The following LDB2 variants were observed in gnomAD, a reference collection of about 807,000 sequenced individuals.
The protein encoded by LDB2 is LIM domain-binding protein 2.
In LDB2, 12 loss-of-function variants were observed where a neutral mutation model predicts 44.3. The observed-to-expected ratio is 0.27, with a 90% CI of 0.17 to 0.44. The LOEUF (loss-of-function observed/expected upper bound fraction) is 0.44, where lower values mean the gene tolerates loss of function less well. Ranked by LOEUF, LDB2 falls within the 20% of genes least tolerant of loss-of-function variation. LDB2 has a pLI of 1.00. For missense variants in LDB2, 344 were observed against 473.5 expected (o/e 0.73, Z 2.54); for synonymous variants, 164 against 174.8 (o/e 0.94, Z 0.49).
At chr4:16,632,276 A>T (rs957661653) in intron 2 of LDB2, among the ~76,000 whole-genome samples, 1 of 152,244 alleles carries the variant, frequency 6.6e-6, no homozygotes, top group Non-Finnish European at 1.5e-5. Flanking sequence ...AGGCTGGTTC[A>T]ACATATGCAA....
At chr4:16,554,568 C>A (rs952858591) in intron 5 of LDB2, among the ~76,000 whole-genome samples, 2 of 152,106 alleles carry the variant, frequency 1.3e-5, no homozygotes, top group Non-Finnish European at 2.9e-5. Flanking sequence ...CTGATGCATT[C>A]AAAAAATAGA....
chr4:16,544,947 G>T (rs1187927223), intron 5 of LDB2, among the ~76,000 whole-genome samples: 1 of 152,134 alleles, frequency 6.6e-6, no homozygotes, highest in African/African-American at 2.4e-5. Context: ...GAGATAAGAA[G>T]AAATGTGTGC....
At chr4:16,571,983 C>T (rs992230608) in intron 5 of LDB2, among the ~76,000 whole-genome samples, 1 of 152,126 alleles carries the variant, frequency 6.6e-6, no homozygotes, top group Non-Finnish European at 1.5e-5. Context: ...ATAGAATCTA[C>T]AGTAATAGTT....
intron 2 of LDB2, among the ~76,000 whole-genome samples, chr4:16,608,477 T>G (rs1040018074): frequency 1.3e-5 from 2 of 152,180 alleles, no homozygotes; most frequent in Non-Finnish European, 2.9e-5. Flanking sequence ...AAACATTGCC[T>G]GGGCACCAGC....
chr4:16,569,323 G>A (rs898148389), intron 5 of LDB2, among the ~76,000 whole-genome samples: 2 of 152,162 alleles, frequency 1.3e-5, no homozygotes, highest in African/African-American at 4.8e-5. Context: ...AACGGAAAAG[G>A]GGTTGCTCCA....
At chr4:16,606,692 A>G (rs1461299846) in intron 2 of LDB2, among the ~76,000 whole-genome samples, 7 of 152,354 alleles carry the variant, frequency 4.6e-5, no homozygotes, top group Middle Eastern at 3.4e-3. Flanking sequence ...CTCAAAATCC[A>G]TTCACTTGGC....
chr4:16,745,066 T>C (rs1400011596), intron 2 of LDB2, among the ~76,000 whole-genome samples: 1 of 152,184 alleles, frequency 6.6e-6, no homozygotes, highest in Non-Finnish European at 1.5e-5. Flanking sequence ...TCCGAGGTCA[T>C]ATGGTAACTG....
At chr4:16,712,410 G>T (rs1756100100) in intron 2 of LDB2, among the ~76,000 whole-genome samples, 1 of 152,014 alleles carries the variant, frequency 6.6e-6, no homozygotes, top group African/African-American at 2.4e-5. Flanking sequence ...AAATTAGCTG[G>T]GCATGGTGGC....
At chr4:16,661,323 G>A (rs1405801802) in intron 2 of LDB2, among the ~76,000 whole-genome samples, 2 of 152,152 alleles carry the variant, frequency 1.3e-5, no homozygotes, top group African/African-American at 4.8e-5. Flanking sequence ...TTGGCCCATG[G>A]CTTTCAACTT....
intron 5 of LDB2, among the ~76,000 whole-genome samples, chr4:16,559,632 C>T (rs1741270348): frequency 6.6e-6 from 1 of 152,112 alleles, no homozygotes. Context: ...CTTTAACACC[C>T]CACTGTCAAC....
rs527312716 is a variant in LDB2 at position 16,799,219 on chromosome 4, C to T, written c.133-39959G>A. ...GAAAAAAAAGAACATGCAAAGCTCT[C>T]CAACATGAATGATGCAATCCTGTAA... On this transcript the variant is annotated intron_variant, in intron 1 of 7. Coordinates refer to ENST00000304523, the MANE Select transcript of LDB2 (RefSeq NM_001290.5). 1.2e-4 allele frequency among the ~76,000 whole-genome samples: 19 copies of T among 152,306 alleles called. No individual in the cohort carries two copies. In the East Asian group the frequency reaches 3.7e-3, roughly 30 times the overall value.
intron 2 of LDB2, among the ~76,000 whole-genome samples, chr4:16,655,896 C>CTTTTTTTTTTTT (rs747097456): frequency 0.01 from 949 of 93,302 alleles, 170 homozygotes; most frequent in African/African-American, 0.036. Flanking sequence ...TGCAAGAAAA[C>CTTTTTTTTTTTT]TTTTTTTTTT....
At chr4:16,576,033 A>T (rs1748153683) in intron 5 of LDB2, among the ~76,000 whole-genome samples, 1 of 152,210 alleles carries the variant, frequency 6.6e-6, no homozygotes, top group Non-Finnish European at 1.5e-5. Context: ...AGCCAGAAAC[A>T]TCTTTTAAAA....
chr4:16,690,298 TA>T (rs1020780448), intron 2 of LDB2, among the ~76,000 whole-genome samples: 2 of 151,270 alleles, frequency 1.3e-5, no homozygotes, highest in African/African-American at 4.9e-5. Context: ...CCATCTCTAC[TA>T]AAAATACAAA....
chr4:16,548,473 C>T (rs1458943769), intron 5 of LDB2, among the ~76,000 whole-genome samples: 1 of 152,186 alleles, frequency 6.6e-6, no homozygotes, highest in African/African-American at 2.4e-5. Context: ...GCCCTGCAAG[C>T]TGAAGGGTAA....
At chr4:16,678,239 C>A (rs1013881863) in intron 2 of LDB2, among the ~76,000 whole-genome samples, 1 of 152,134 alleles carries the variant, frequency 6.6e-6, no homozygotes, top group African/African-American at 2.4e-5. Flanking sequence ...ACCTTCTTCA[C>A]AGTAACACAG....
intron 1 of LDB2, among the ~76,000 whole-genome samples, chr4:16,813,271 C>T (rs1257867640): frequency 6.6e-6 from 1 of 152,084 alleles, no homozygotes; most frequent in Non-Finnish European, 1.5e-5. Flanking sequence ...CAGGTGTGAG[C>T]CACTGTGCCC....
In LDB2 at chr4:16,687,588, C is replaced by G. The variant is rs143795484; in HGVS notation, c.235+71570G>C. ...ATAATAAAGAAGAGGAATAAGTAAA[C>G]TAAGTCTGGACTTCTCTAGAAACCA... On this transcript the variant is annotated intron_variant, in intron 2 of 7. Transcript: ENST00000304523. 2.0e-5 allele frequency among the ~76,000 whole-genome samples: 3 copies of G among 152,296 alleles called. No individual in the cohort carries two copies. In the East Asian group the frequency reaches 5.8e-4, roughly 29 times the overall value.
intron 2 of LDB2, among the ~76,000 whole-genome samples, chr4:16,668,110 G>T (rs1176543036): frequency 6.6e-6 from 1 of 152,074 alleles, no homozygotes; most frequent in Non-Finnish European, 1.5e-5. Flanking sequence ...CATTTCATAT[G>T]ATAAAAGGAT....
Sources: allele counts gnomAD v4.1 joint callset (sites outside exome capture counted in the v4.1 genomes callset), GRCh38; gene constraint gnomAD v4.1.1; transcripts MANE v1.5; gene names NCBI Gene and HGNC (gene_info 2026-07-23, HGNC 2026-07-21).